Variants in SH3BP5L observed in about 807,000 individuals in gnomAD.
The protein encoded by SH3BP5L is SH3 binding domain protein 5 like, also known as SH3 domain-binding protein 5-like.
In SH3BP5L, 16 loss-of-function variants were observed where a neutral mutation model predicts 40.9. The ratio of observed to expected loss-of-function variants is 0.39; its 90% CI spans 0.27 to 0.59. The LOEUF (loss-of-function observed/expected upper bound fraction) is 0.59. Among genes scored for constraint, SH3BP5L ranks in the 20% least tolerant of loss-of-function variants. The pLI, the probability that SH3BP5L is intolerant of heterozygous loss-of-function variation, is 0.53. For synonymous variants in SH3BP5L, 229 were observed against 226.7 expected, an observed-to-expected ratio of 1.01 and a Z score of -0.09; for missense variants, 471 against 544.6, an observed-to-expected ratio of 0.86 and a Z score of 1.35.
Position 248,825,856 on chromosome 1 carries a change from C to A in SH3BP5L, c.-453G>T. 1 of 982,292 alleles carries A rather than the reference C, an allele frequency of 1.0e-6. No homozygotes were observed. Among genetic ancestry groups the A allele is most frequent in the Non-Finnish European group, 1.2e-6 (1 of 829,208 alleles). 60.8% of individuals were successfully genotyped at this position (982,292 alleles called of 1,614,324 possible). On this transcript the variant is annotated 5_prime_UTR_variant, in exon 1 of 7. Coordinates refer to ENST00000366472, the MANE Select transcript of SH3BP5L (RefSeq NM_030645.3). ...TTACCTCAGTTTACCTTCCCGTCCG[C>A]GGAGCTTCTATGCTGCAAACAATCT...
chr1:248,822,491 G>C (rs1664276422), intron 2 of SH3BP5L, among the ~76,000 whole-genome samples: 1 of 152,196 alleles, frequency 6.6e-6, no homozygotes, highest in Admixed American at 6.5e-5. Flanking sequence ...TAGCAAGAGA[G>C]ACGAGGGTCT....
intron 2 of SH3BP5L, among the ~76,000 whole-genome samples, chr1:248,818,450 C>T (rs1435798892): frequency 1.3e-5 from 2 of 152,120 alleles, no homozygotes; most frequent in African/African-American, 4.8e-5. Flanking sequence ...CACAGAATCA[C>T]AGGGGCTTGG....
At chr1:248,814,188 G>A in intron 5 of SH3BP5L, 1 of 528,992 alleles carries the variant, frequency 1.9e-6, no homozygotes, top group South Asian at 2.3e-5. Flanking sequence ...CACCAGGGAT[G>A]AATTGTTTGG....
chr1:248,814,830 G>A, intron 4 of SH3BP5L: 2 of 673,504 alleles, frequency 3.0e-6, no homozygotes, highest in East Asian at 2.9e-5. Context: ...GCCAGTGGAG[G>A]GTAGATGTGT....
chr1:248,818,209 G>A (rs1021151001), intron 2 of SH3BP5L, among the ~76,000 whole-genome samples: 4 of 152,068 alleles, frequency 2.6e-5, no homozygotes, highest in Non-Finnish European at 4.4e-5. Context: ...TTAGCTGGGC[G>A]TGGTGGCACA....
chr1:248,816,143 A>T (rs965532905), intron 4 of SH3BP5L: 1 of 178,276 alleles, frequency 5.6e-6, no homozygotes, highest in African/African-American at 2.4e-5. Flanking sequence ...TGGGGAAAAG[A>T]GTGAGGAGTA....
intron 4 of SH3BP5L, among the ~76,000 whole-genome samples, chr1:248,815,315 G>A (rs554597928): frequency 4.6e-5 from 7 of 152,138 alleles, no homozygotes; most frequent in South Asian, 2.1e-4. Context: ...TTAAAATGAC[G>A]GCTTGGATGT....
rs980687096 is a variant in SH3BP5L at position 248,811,824 on chromosome 1, G to A, written c.*76C>T. 10 of 1,104,298 alleles carry A rather than the reference G, an allele frequency of 9.1e-6. No homozygotes were observed. The highest frequency in any genetic ancestry group is 5.5e-5 in the Admixed American group (2 of 36,180). The allele number at this position is 1,104,298 out of a possible 1,614,324, so 68.4% of individuals were successfully genotyped here. ...ACCTTCGGGAAGACGAGGCCCCAGA[G>A]GAGAGGGCGTGAGAAGACTGTGGGC... On this transcript the variant is annotated 3_prime_UTR_variant, in exon 7 of 7. Coordinates refer to ENST00000366472, the MANE Select transcript of SH3BP5L (RefSeq NM_030645.3).
At chr1:248,814,213 T>A (rs550403478) in intron 5 of SH3BP5L, 1 of 567,110 alleles carries the variant, frequency 1.8e-6, no homozygotes, top group African/African-American at 1.9e-5. Context: ...GTCCCACACC[T>A]GGAGGCAAAC....
chr1:248,817,451 G>T (rs1664138063), intron 2 of SH3BP5L, among the ~76,000 whole-genome samples: 1 of 152,232 alleles, frequency 6.6e-6, no homozygotes, highest in Non-Finnish European at 1.5e-5. Flanking sequence ...TGAGGGGTGG[G>T]TGTGGGTGCT....
At chr1:248,825,752 T>C (rs1664364245) in intron 1 of SH3BP5L, 83 bp downstream of exon 1, 2 of 445,580 alleles carry the variant, frequency 4.5e-6, no homozygotes, top group African/African-American at 2.2e-5. Context: ...CCGTCTCCAA[T>C]TCCACACTCT....
At chr1:248,818,270 C>T (rs1365605030) in intron 2 of SH3BP5L, among the ~76,000 whole-genome samples, 1 of 151,954 alleles carries the variant, frequency 6.6e-6, no homozygotes, top group Non-Finnish European at 1.5e-5. Context: ...ATGGCTTGAA[C>T]CCGGGGGGCA....
chr1:248,822,575 C>G (rs115953636), intron 2 of SH3BP5L, among the ~76,000 whole-genome samples: 216 of 152,306 alleles, frequency 1.4e-3, no homozygotes, highest in Non-Finnish European at 2.3e-3. Context: ...CCTCAGTGTA[C>G]TCCAACTCTC....
At chr1:248,817,169 T>A (rs773854133) in intron 2 of SH3BP5L, 2 of 739,598 alleles carry the variant, frequency 2.7e-6, no homozygotes, top group Non-Finnish European at 4.3e-6. Flanking sequence ...GCAACACTAA[T>A]ATGCACAACG....
chr1:248,825,164 T>G lies in SH3BP5L; in HGVS notation c.-229A>C. On this transcript the variant is annotated 5_prime_UTR_variant, in exon 2 of 7. Coordinates refer to ENST00000366472, the MANE Select transcript of SH3BP5L (RefSeq NM_030645.3). ...CCTTGTCTGTGCAAAAGTTCTTCCC[T>G]TCCCGCCACAGGGAGTCCACTGTGA... 1.5e-6 allele frequency: 2 copies of G among 1,298,072 alleles called. No homozygotes were observed. The highest frequency in any genetic ancestry group is 2.0e-6 in the Non-Finnish European group (2 of 1,023,206). 80.4% of individuals were successfully genotyped at this position (1,298,072 alleles called of 1,614,324 possible).
intron 2 of SH3BP5L, chr1:248,820,972 T>C (rs41308212): frequency 0.04 from 6,070 of 152,302 alleles, 180 homozygotes; most frequent in Non-Finnish European, 0.066. Context: ...GGCATTATCT[T>C]TCTATATGGG....
At position 248,812,430 on chromosome 1, in the gene SH3BP5L, C is replaced by T; in HGVS notation, c.712-60G>A. 1 of 1,359,524 alleles carries T rather than the reference C, an allele frequency of 7.4e-7. No homozygotes were observed. Among genetic ancestry groups the T allele is most frequent in the South Asian group, 1.2e-5 (1 of 83,296 alleles). 84.2% of individuals were successfully genotyped at this position (1,359,524 alleles called of 1,614,324 possible). On this transcript the variant is annotated intron_variant, in intron 6 of 6. Transcript: ENST00000366472. This position sits in a 1 kb window ranked among gnomAD's most constrained non-coding sequence, Gnocchi z 6.1. The stretch of plus-strand genomic sequence containing the variant: ...GGGCACGTCTCCACCTTCCTCAGCA[C>T]TCTGCACTGAGGTCTGAGGGCCTGC...
Position 248,812,146 on chromosome 1 carries a change from C to G in SH3BP5L, c.936G>C (p.Glu312Asp). The change falls in exon 7 of 7, where the codon GAG becomes GAC. Residue 312 changes from glutamate to aspartate, a missense_variant. Physicochemically the swap from Glu to Asp is conservative, Grantham distance 45 (BLOSUM62 2). Around this residue, in one of 2 missense-constraint regions of SH3BP5L, gnomAD observed 196 missense variants for 174.6 expected, o/e 1.12. Coordinates refer to ENST00000366472, the MANE Select transcript of SH3BP5L (RefSeq NM_030645.3). This position sits in a 1 kb window ranked among gnomAD's most constrained non-coding sequence, Gnocchi z 6.1. The stretch of plus-strand genomic sequence containing the variant: ...TGCTGCCCTCCTCCAGCCCCGCACC[C>G]TCGGCCCCCTCAATCCCGCTGTCTC... The part of the protein sequence containing the change: ...EDGDSGIEGA[E>D]GAGLEEGSSL... The G allele has an allele frequency of 6.2e-7, 1 of 1,601,092 alleles. No individual in the cohort carries two copies. The highest frequency in any genetic ancestry group is 8.5e-7 in the Non-Finnish European group (1 of 1,173,798).
rs756565463 is a variant in SH3BP5L, at chr1:248,812,200, G to T, written c.882C>A (p.Ala294=). The change falls in exon 7 of 7, where the codon GCC becomes GCA. Residue 294 remains alanine, a synonymous_variant. Transcript: ENST00000366472. This position sits in a 1 kb window ranked among gnomAD's most constrained non-coding sequence, Gnocchi z 6.1. ...LGPRRSSPVG[A]EAGPEDMEDG... ...CCTCCATGTCCTCGGGTCCTGCCTC[G>T]GCCCCCACGGGGGAGGAGCGCCGAG... 1 of 1,601,446 alleles carries T rather than the reference G, an allele frequency of 6.2e-7. No individual in the cohort carries two copies. The highest frequency in any genetic ancestry group is 2.2e-5 in the East Asian group (1 of 44,632).
Sources: gnomAD v4.1 joint callset for allele counts (sites outside exome capture counted in the v4.1 genomes callset) on GRCh38, gnomAD v4.1.1 for gene constraint, gnomAD v4.1.1 regional missense constraint, Gnocchi (gnomAD v3.1) non-coding constraint, MANE v1.5 for transcripts, NCBI Gene and HGNC (gene_info 2026-07-23, HGNC 2026-07-21) for gene names.